Variants in VMP1 observed in about 807,000 individuals in gnomAD.
VMP1 encodes ectopic P-granules autophagy protein 3 homolog.
A neutral mutation model predicts 56.0 loss-of-function variants in VMP1; 11 were observed. The observed-to-expected ratio is 0.20, with a 90% confidence interval of 0.12 to 0.32. VMP1 has a LOEUF of 0.32. VMP1 is among the 10% of genes least tolerant of loss of function. The probability of loss-of-function intolerance (pLI) is 1.00; values close to 1 mark genes in which losing one functional copy is unlikely to be tolerated. For missense variants in VMP1, 296 were observed against 490.3 expected, an observed-to-expected ratio of 0.60 and a Z score of 3.74; for synonymous variants, 149 against 165.0, an observed-to-expected ratio of 0.90 and a Z score of 0.74.
At chr17:59,718,359 G>A (rs1343689403) in intron 1 of VMP1, among the ~76,000 whole-genome samples, 1 of 151,532 alleles carries the variant, frequency 6.6e-6, no homozygotes, top group Admixed American at 6.6e-5. Context: ...ACCACGCCCG[G>A]CTGATTTTTT....
intron 10 of VMP1, among the ~76,000 whole-genome samples, chr17:59,830,465 A>G (rs910745423): frequency 6.6e-6 from 1 of 152,134 alleles, no homozygotes; most frequent in Non-Finnish European, 1.5e-5. Context: ...GAGATTCTTT[A>G]GACTTTGTGA....
chr17:59,749,728 C>T (rs1459729012), intron 5 of VMP1, among the ~76,000 whole-genome samples: 1 of 151,936 alleles, frequency 6.6e-6, no homozygotes, highest in Non-Finnish European at 1.5e-5. Flanking sequence ...CCAGGCTGGT[C>T]TCGAATTCTG....
intron 6 of VMP1, among the ~76,000 whole-genome samples, chr17:59,765,762 G>T (rs2036209618): frequency 6.6e-6 from 1 of 152,064 alleles, no homozygotes; most frequent in South Asian, 2.1e-4. Flanking sequence ...GGAGGTGGAG[G>T]AGGTAGATGG....
intron 7 of VMP1, among the ~76,000 whole-genome samples, chr17:59,797,340 C>CAA (rs769486306): frequency 2.3e-4 from 15 of 65,172 alleles, no homozygotes; most frequent in Middle Eastern, 0.023. Context: ...GACTCTGTCT[C>CAA]AAAAAAAAAA....
intron 3 of VMP1, 129 bp from the exon 4 acceptor site, chr17:59,737,324 A>T: frequency 1.3e-6 from 1 of 748,134 alleles, no homozygotes; most frequent in Non-Finnish European, 2.1e-6. Flanking sequence ...AGAGGCCATG[A>T]TGTGTAAGGA....
chr17:59,813,084 C>T (rs1468784969), intron 9 of VMP1, among the ~76,000 whole-genome samples: 2 of 152,184 alleles, frequency 1.3e-5, no homozygotes, highest in Admixed American at 1.3e-4. Flanking sequence ...GCTGCTTCTA[C>T]TTATCCAGTT....
intron 10 of VMP1, among the ~76,000 whole-genome samples, chr17:59,837,044 A>G (rs1477015768): frequency 1.3e-5 from 2 of 151,892 alleles, no homozygotes; most frequent in African/African-American, 4.8e-5. Context: ...TACTAAAAAT[A>G]CAAAAAAAAA....
intron 7 of VMP1, among the ~76,000 whole-genome samples, chr17:59,807,787 G>T (rs1404024138): frequency 3.4e-5 from 5 of 146,280 alleles, no homozygotes; most frequent in African/African-American, 2.5e-5. Flanking sequence ...AGCCAAGATC[G>T]CGCCATTGCA....
intron 3 of VMP1, among the ~76,000 whole-genome samples, chr17:59,736,684 C>T (rs1025069022): frequency 1.3e-5 from 2 of 150,314 alleles, no homozygotes; most frequent in Non-Finnish European, 3.0e-5. Context: ...GTGGAAGTTG[C>T]AGTGAGCCAA....
At chr17:59,793,945 G>A (rs2037331974) in intron 7 of VMP1, among the ~76,000 whole-genome samples, 1 of 150,884 alleles carries the variant, frequency 6.6e-6, no homozygotes, top group Admixed American at 6.6e-5. Context: ...TTTCAAGACA[G>A]AGTCTTGCTC....
chr17:59,799,571 T>A lies in VMP1; in HGVS notation c.715-9225T>A, dbSNP rs530243011. Among the ~76,000 whole-genome samples, 163 of 152,318 alleles carry A rather than the reference T, an allele frequency of 1.1e-3. 2 individuals are homozygous for A. Among genetic ancestry groups the A allele is most frequent in the South Asian group, 8.1e-3 (39 of 4,830 alleles). ...CTTTATTTCAACAATATCCCTACTT[T>A]TTTGGTAATTCTAGAATTTATTTCC... On this transcript the variant is annotated intron_variant, in intron 7 of 11. Coordinates refer to ENST00000262291, the MANE Select transcript of VMP1 (RefSeq NM_030938.5).
chr17:59,813,865 A>T (rs2038136952), intron 9 of VMP1, among the ~76,000 whole-genome samples: 1 of 152,236 alleles, frequency 6.6e-6, no homozygotes, highest in Non-Finnish European at 1.5e-5. Context: ...GTATTATGCC[A>T]TAAGTACCCT....
At chr17:59,817,141 C>T (rs879859080) in intron 9 of VMP1, among the ~76,000 whole-genome samples, 184 of 148,196 alleles carry the variant, frequency 1.2e-3, no homozygotes, top group Non-Finnish European at 2.2e-3. Flanking sequence ...GGCATGGTAG[C>T]GCATCCCTGT....
chr17:59,799,615 C>T (rs545697505), intron 7 of VMP1, among the ~76,000 whole-genome samples: 9 of 152,178 alleles, frequency 5.9e-5, no homozygotes, highest in African/African-American at 1.9e-4. Context: ...GTCTTTATCC[C>T]GTGACCTTAT....
chr17:59,798,778 C>T (rs1488294399), intron 7 of VMP1, among the ~76,000 whole-genome samples: 10 of 151,966 alleles, frequency 6.6e-5, no homozygotes, highest in Admixed American at 2.6e-4. Context: ...CCCAGCTACT[C>T]GGGAGGCTGA....
At chr17:59,787,118 G>A (rs769266809) in intron 7 of VMP1, among the ~76,000 whole-genome samples, 4 of 152,068 alleles carry the variant, frequency 2.6e-5, no homozygotes, top group Non-Finnish European at 5.9e-5. Context: ...TTGACTATTC[G>A]CACAGTTAGG....
At chr17:59,828,135 G>A (rs2038701291) in intron 10 of VMP1, among the ~76,000 whole-genome samples, 1 of 151,792 alleles carries the variant, frequency 6.6e-6, no homozygotes, top group Non-Finnish European at 1.5e-5. Flanking sequence ...AGTCCTTATA[G>A]ACCACTCCTT....
chr17:59,820,565 A>T (rs2038404923), intron 10 of VMP1, among the ~76,000 whole-genome samples: 1 of 152,166 alleles, frequency 6.6e-6, no homozygotes, highest in Non-Finnish European at 1.5e-5. Context: ...CCCTGACTTG[A>T]TCTAATACCA....
intron 1 of VMP1, among the ~76,000 whole-genome samples, chr17:59,725,493 T>C (rs1053845049): frequency 6.6e-6 from 1 of 152,094 alleles, no homozygotes; most frequent in Non-Finnish European, 1.5e-5. Context: ...AGTGGGTCTT[T>C]TATTTTGGCT....
Sources: allele counts gnomAD v4.1 joint callset (sites outside exome capture counted in the v4.1 genomes callset), GRCh38; gene constraint gnomAD v4.1.1; transcripts MANE v1.5; gene names NCBI Gene and HGNC (gene_info 2026-07-23, HGNC 2026-07-21).